The following PRKCE variants were observed in gnomAD, a reference collection of about 807,000 sequenced individuals.
PRKCE encodes protein kinase C epsilon type.
A neutral mutation model predicts 85.4 loss-of-function variants in PRKCE; 16 were observed. That is an observed-to-expected ratio of 0.19 (90% CI 0.13 to 0.28). PRKCE has a LOEUF of 0.28. PRKCE is among the 10% of genes least tolerant of loss of function. The pLI, the probability that PRKCE is intolerant of heterozygous loss-of-function variation, is 1.00. For missense variants in PRKCE, 573 were observed against 975.2 expected, an observed-to-expected ratio of 0.59 and a Z score of 5.49; for synonymous variants, 388 against 371.5, an observed-to-expected ratio of 1.04 and a Z score of -0.51.
At chr2:46,079,691 A>C (rs1411083043) in intron 10 of PRKCE, among the ~76,000 whole-genome samples, 2 of 152,254 alleles carry the variant, frequency 1.3e-5, no homozygotes, top group Admixed American at 1.3e-4. Flanking sequence ...CTTTGCACGT[A>C]TAAACAGCTG....
intron 1 of PRKCE, among the ~76,000 whole-genome samples, chr2:45,802,947 CT>C (rs1179579873): frequency 6.6e-6 from 1 of 152,214 alleles, no homozygotes; most frequent in Non-Finnish European, 1.5e-5. Context: ...GCAATGTCAC[CT>C]TTTTACCGAG....
At chr2:46,025,629 C>T (rs963362684) in intron 10 of PRKCE, among the ~76,000 whole-genome samples, 1 of 152,184 alleles carries the variant, frequency 6.6e-6, no homozygotes, top group African/African-American at 2.4e-5. Context: ...CCCTTGCTCT[C>T]ACTCTCTCCC....
chr2:45,771,150 A>G (rs1393705265), intron 1 of PRKCE, among the ~76,000 whole-genome samples: 6 of 152,138 alleles, frequency 3.9e-5, no homozygotes, highest in African/African-American at 7.2e-5. Context: ...AGGTGGGTCA[A>G]TGCAGACCAC....
chr2:46,121,071 C>T (rs1162847379), intron 11 of PRKCE, among the ~76,000 whole-genome samples: 1 of 152,334 alleles, frequency 6.6e-6, no homozygotes, highest in African/African-American at 2.4e-5. Context: ...TACTTGGATT[C>T]ATTCCCAAAG....
At chr2:46,181,404 G>A (rs1012707198) in intron 14 of PRKCE, among the ~76,000 whole-genome samples, 4 of 152,130 alleles carry the variant, frequency 2.6e-5, no homozygotes, top group Non-Finnish European at 5.9e-5. Flanking sequence ...TAAGGAGATG[G>A]GTGAGCCAAG....
intron 1 of PRKCE, among the ~76,000 whole-genome samples, chr2:45,734,280 G>T (rs774775236): frequency 6.6e-6 from 1 of 151,764 alleles, no homozygotes; most frequent in Non-Finnish European, 1.5e-5. Context: ...CAGGAGAATC[G>T]CTTGAACCTG....
intron 2 of PRKCE, among the ~76,000 whole-genome samples, chr2:45,852,779 G>T (rs1343891163): frequency 6.6e-6 from 1 of 152,220 alleles, no homozygotes; most frequent in African/African-American, 2.4e-5. Context: ...AGTCTAAATG[G>T]ATCTGCCAGG....
At chr2:45,759,205 T>A (rs1214663359) in intron 1 of PRKCE, among the ~76,000 whole-genome samples, 1 of 152,176 alleles carries the variant, frequency 6.6e-6, no homozygotes, top group East Asian at 1.9e-4. Flanking sequence ...CAAGGCAGTA[T>A]TGATAAAATG....
At chr2:45,963,434 G>A (rs1194369318) in intron 2 of PRKCE, among the ~76,000 whole-genome samples, 3 of 151,968 alleles carry the variant, frequency 2.0e-5, no homozygotes, top group Middle Eastern at 3.2e-3. Flanking sequence ...TCAGCCTCCC[G>A]AGTAGCTGGG....
intron 1 of PRKCE, among the ~76,000 whole-genome samples, chr2:45,761,530 C>T (rs572460875): frequency 1.3e-5 from 2 of 152,018 alleles, no homozygotes; most frequent in African/African-American, 4.8e-5. Context: ...TCAGAAAGAA[C>T]GGGGCTTGTG....
At chr2:45,830,295 A>T (rs1225764228) in intron 1 of PRKCE, among the ~76,000 whole-genome samples, 112 of 23,066 alleles carry the variant, frequency 4.9e-3, no homozygotes, top group African/African-American at 0.029. Context: ...AAAACAAACG[A>T]GAGAGAGAGA....
chr2:45,941,850 C>G (rs1161014438), intron 2 of PRKCE, among the ~76,000 whole-genome samples: 2 of 152,070 alleles, frequency 1.3e-5, no homozygotes, highest in Non-Finnish European at 2.9e-5. Context: ...GTCATAGATT[C>G]ATTAATTATG....
rs889997803 is a variant in PRKCE, at chr2:45,692,997, C to T, written c.348+40549C>T. On this transcript the variant is annotated intron_variant, in intron 1 of 14. Transcript: ENST00000306156. ...AACAATGTGTAAGGGAAGGATTGGA[C>T]GCTGGAGACTTGAGGCTGACTGAGA... is the stretch of plus-strand genomic sequence containing the variant. Among the ~76,000 whole-genome samples, 5 of 152,192 alleles carry T rather than the reference C, an allele frequency of 3.3e-5. No individual in the cohort carries two copies. In the East Asian group the frequency reaches 5.8e-4, roughly 18 times the overall value.
intron 1 of PRKCE, among the ~76,000 whole-genome samples, chr2:45,779,369 G>A (rs1180269994): frequency 6.6e-6 from 1 of 152,092 alleles, no homozygotes; most frequent in African/African-American, 2.4e-5. Context: ...AATGTTTGGC[G>A]GATGAAGGCA....
chr2:45,900,126 T>C (rs1696467252), intron 2 of PRKCE, among the ~76,000 whole-genome samples: 1 of 152,122 alleles, frequency 6.6e-6, no homozygotes, highest in Non-Finnish European at 1.5e-5. Flanking sequence ...TAACAAGCGT[T>C]GATGAAGATG....
At chr2:45,715,046 G>A (rs1421645464) in intron 1 of PRKCE, among the ~76,000 whole-genome samples, 1 of 152,224 alleles carries the variant, frequency 6.6e-6, no homozygotes, top group Admixed American at 6.5e-5. Flanking sequence ...TTGTTCCCTG[G>A]CAGAAAATAA....
chr2:45,958,802 ATATATATATATATATTTTTTTTTTTTT>A (rs1701159327), intron 2 of PRKCE, among the ~76,000 whole-genome samples: 1 of 20,214 alleles, frequency 4.9e-5, no homozygotes, highest in South Asian at 3.3e-3. Context: ...ATATATATAT[ATATATATATATATATTTTTTTTTTTTT>A]TTTTTTTTTT....
intron 2 of PRKCE, among the ~76,000 whole-genome samples, chr2:45,961,028 T>A (rs1432892632): frequency 6.6e-6 from 1 of 152,204 alleles, no homozygotes; most frequent in Non-Finnish European, 1.5e-5. Context: ...GATCACTTTA[T>A]TTTTTAGAAT....
At chr2:45,983,797 C>T (rs375725921) in intron 5 of PRKCE, among the ~76,000 whole-genome samples, 3 of 152,086 alleles carry the variant, frequency 2.0e-5, no homozygotes, top group African/African-American at 7.2e-5. Flanking sequence ...AATTGTTGTC[C>T]GTTCTGACTG....
Sources: gnomAD v4.1 joint callset for allele counts (sites outside exome capture counted in the v4.1 genomes callset) on GRCh38, gnomAD v4.1.1 for gene constraint, MANE v1.5 for transcripts, NCBI Gene and HGNC (gene_info 2026-07-23, HGNC 2026-07-21) for gene names.